Variants in CSMD1 observed in about 807,000 individuals in gnomAD.
CSMD1 encodes the protein CUB and Sushi multiple domains 1.
Under a neutral mutation model 417.5 loss-of-function variants are expected in CSMD1, and 213 were observed. The observed-to-expected ratio is 0.51, with a 90% CI of 0.46 to 0.57. The LOEUF is 0.57. Ranked by LOEUF, CSMD1 falls within the 20% of genes least tolerant of loss-of-function variation. CSMD1 has a pLI of 0.00. For synonymous variants in CSMD1, 2,862 were observed against 1,736.8 expected, an observed-to-expected ratio of 1.65 and a Z score of -16.11; for missense variants, 6,923 against 4,529.7, an observed-to-expected ratio of 1.53 and a Z score of -15.17.
chr8:3,204,805 C>T (rs1797162482), intron 31 of CSMD1, among the ~76,000 whole-genome samples: 1 of 152,138 alleles, frequency 6.6e-6, no homozygotes, highest in African/African-American at 2.4e-5. Flanking sequence ...GAAAGAGGGA[C>T]ATAGTCTTTA....
intron 2 of CSMD1, among the ~76,000 whole-genome samples, chr8:4,558,172 C>G (rs913559798): frequency 6.6e-6 from 1 of 152,106 alleles, no homozygotes; most frequent in African/African-American, 2.4e-5. Context: ...AGAGTAACTA[C>G]AAAAGCATCT....
At chr8:4,132,897 T>G (rs1385252377) in intron 3 of CSMD1, among the ~76,000 whole-genome samples, 1 of 152,196 alleles carries the variant, frequency 6.6e-6, no homozygotes, top group Non-Finnish European at 1.5e-5. Flanking sequence ...GATTATCTTT[T>G]ATTAACAAAT....
chr8:4,950,702 A>G (rs2117281169), intron 1 of CSMD1, among the ~76,000 whole-genome samples: 1 of 152,330 alleles, frequency 6.6e-6, no homozygotes, highest in East Asian at 1.9e-4. Context: ...TACATTGGCA[A>G]TAAAAAGAGT....
At chr8:3,234,665 G>A (rs1366347153) in intron 26 of CSMD1, among the ~76,000 whole-genome samples, 14 of 152,202 alleles carry the variant, frequency 9.2e-5, no homozygotes, top group Admixed American at 9.2e-4. Context: ...GCCTGGGAGA[G>A]CAGAGGAAGG....
At chr8:4,516,558 C>A (rs1803138992) in intron 2 of CSMD1, among the ~76,000 whole-genome samples, 1 of 152,128 alleles carries the variant, frequency 6.6e-6, no homozygotes, top group Admixed American at 6.5e-5. Flanking sequence ...GGCCCCCAGC[C>A]ACTGCCGTAA....
intron 3 of CSMD1, among the ~76,000 whole-genome samples, chr8:4,199,022 C>A (rs958035343): frequency 6.6e-6 from 1 of 152,086 alleles, no homozygotes; most frequent in Non-Finnish European, 1.5e-5. Context: ...CACTTTCAAT[C>A]CCCTATGTAC....
intron 1 of CSMD1, among the ~76,000 whole-genome samples, chr8:4,747,658 G>T (rs751001383): frequency 3.3e-5 from 5 of 152,080 alleles, no homozygotes; most frequent in African/African-American, 7.2e-5. Context: ...ATACTCAGTT[G>T]TTGATTTTGC....
At chr8:3,976,044 T>A (rs79871089) in intron 5 of CSMD1, among the ~76,000 whole-genome samples, 1 of 152,140 alleles carries the variant, frequency 6.6e-6, no homozygotes, top group Admixed American at 6.5e-5. Flanking sequence ...TATATACTGA[T>A]TGAAATCTGT....
chr8:3,656,589 C>A (rs1798122618), intron 7 of CSMD1, among the ~76,000 whole-genome samples: 1 of 152,030 alleles, frequency 6.6e-6, no homozygotes, highest in Non-Finnish European at 1.5e-5. Context: ...CTTACGAAGC[C>A]CTTTACTCTC....
intron 1 of CSMD1, among the ~76,000 whole-genome samples, chr8:4,853,775 A>C (rs368554681): frequency 6.6e-6 from 1 of 152,298 alleles, no homozygotes; most frequent in African/African-American, 2.4e-5. Flanking sequence ...AGCACATGAA[A>C]GCAGCCACAC....
chr8:4,634,903 C>T (rs1383790362), intron 2 of CSMD1, among the ~76,000 whole-genome samples: 2 of 152,030 alleles, frequency 1.3e-5, no homozygotes, highest in African/African-American at 4.8e-5. Context: ...AGTCATTGGG[C>T]GTTTTTCCGA....
chr8:4,674,428 G>A (rs1378317713), intron 1 of CSMD1, among the ~76,000 whole-genome samples: 3 of 152,148 alleles, frequency 2.0e-5, no homozygotes, highest in Non-Finnish European at 2.9e-5. Context: ...GTAGGGTGAT[G>A]CCAGGATGGG....
At chr8:3,791,463 G>C (rs539002301) in intron 5 of CSMD1, among the ~76,000 whole-genome samples, 3 of 152,336 alleles carry the variant, frequency 2.0e-5, no homozygotes, top group South Asian at 4.1e-4. Context: ...TACGTAGCTT[G>C]TAATACGTTC....
chr8:3,717,910 A>T (rs533714011), intron 6 of CSMD1, among the ~76,000 whole-genome samples: 12 of 152,272 alleles, frequency 7.9e-5, no homozygotes, highest in African/African-American at 2.9e-4. Flanking sequence ...AATTTGCTAG[A>T]ACTAGAATTC....
chr8:3,604,583 C>T (rs1349843346), intron 8 of CSMD1, among the ~76,000 whole-genome samples: 1 of 151,860 alleles, frequency 6.6e-6, no homozygotes, highest in East Asian at 1.9e-4. Flanking sequence ...TATATGAAAT[C>T]TATAAAGTAT....
chr8:3,491,135 T>C (rs188162493), intron 11 of CSMD1, among the ~76,000 whole-genome samples: 5 of 152,200 alleles, frequency 3.3e-5, no homozygotes, highest in African/African-American at 1.2e-4. Flanking sequence ...AGTGAAAGAA[T>C]GCGGTGAGAG....
Position 4,063,470 on chromosome 8 carries a change from G to A in CSMD1, c.416-31371C>T, listed in dbSNP as rs1451269356. ...TAGAACAATGCCTGGCATATACCAT[G>A]TCTTATATGCGTCTATTAAATAAAA... On this transcript the variant is annotated intron_variant, in intron 3 of 69. Transcript: ENST00000635120. Among the ~76,000 whole-genome samples, 3 of 152,218 alleles carry A rather than the reference G, an allele frequency of 2.0e-5. No individual in the cohort carries two copies. The East Asian group carries it at 5.8e-4, about 29-fold the overall frequency.
chr8:4,495,052 C>T (rs1016559398), intron 2 of CSMD1, among the ~76,000 whole-genome samples: 1 of 152,044 alleles, frequency 6.6e-6, no homozygotes, highest in Non-Finnish European at 1.5e-5. Context: ...CAGAAAAGCA[C>T]TAGGGACAGG....
intron 5 of CSMD1, among the ~76,000 whole-genome samples, chr8:3,789,427 T>C (rs965607244): frequency 1.3e-4 from 15 of 117,666 alleles, no homozygotes; most frequent in Non-Finnish European, 5.1e-5. Context: ...TTTTAAGTAG[T>C]GTTTTTTTTT....
Sources: gnomAD v4.1 joint callset for allele counts (sites outside exome capture counted in the v4.1 genomes callset) on GRCh38, gnomAD v4.1.1 for gene constraint, MANE v1.5 for transcripts, NCBI Gene and HGNC (gene_info 2026-07-23, HGNC 2026-07-21) for gene names.